Variants in PITPNC1 observed in about 807,000 individuals in gnomAD.
The protein encoded by PITPNC1 is phosphatidylinositol transfer protein cytoplasmic 1.
In PITPNC1, 18 loss-of-function variants were observed where a neutral mutation model predicts 44.7. The observed-to-expected ratio is 0.40, with a 90% CI of 0.28 to 0.60. The LOEUF (loss-of-function observed/expected upper bound fraction) is 0.60. PITPNC1 is among the 20% of genes least tolerant of loss of function. The probability of loss-of-function intolerance (pLI) is 0.39; values close to 1 mark genes in which losing one functional copy is unlikely to be tolerated. For missense variants in PITPNC1, 290 were observed against 418.4 expected (o/e 0.69, Z 2.68); for synonymous variants, 141 against 149.6 (o/e 0.94, Z 0.42).
At chr17:67,409,409 T>C (rs368063799) in intron 1 of PITPNC1, among the ~76,000 whole-genome samples, 1 of 152,208 alleles carries the variant, frequency 6.6e-6, no homozygotes, top group East Asian at 1.9e-4. Flanking sequence ...TTCATATGGA[T>C]ATCCATTTGT....
chr17:67,652,041 A>G (rs970468896), intron 6 of PITPNC1, among the ~76,000 whole-genome samples: 1 of 152,216 alleles, frequency 6.6e-6, no homozygotes, highest in Non-Finnish European at 1.5e-5. Flanking sequence ...GCTGAGGGTT[A>G]TAGTTACATA....
rs546174074 is a variant in PITPNC1, at chr17:67,438,353, A to G, written c.48+60151A>G. Among the ~76,000 whole-genome samples the G allele has an allele frequency of 4.3e-5, 6 of 141,068 alleles. 1 individual carries two copies. The highest frequency in any genetic ancestry group is 1.5e-4 in the Admixed American group (2 of 13,280). 92.5% of individuals were successfully genotyped at this position (141,068 alleles called of 152,430 possible). On this transcript the variant is annotated intron_variant, in intron 1 of 8. Transcript: ENST00000581322. ...TTTTTCTGAGACAGAGTCTCGCTCT[A>G]TCGCCCAGGCTGGAGTGCAGTGGTG... is the stretch of plus-strand genomic sequence containing the variant.
At chr17:67,604,612 A>G (rs9903489) in intron 5 of PITPNC1, among the ~76,000 whole-genome samples, 12,990 of 152,156 alleles carry the variant, frequency 0.085, 672 homozygotes, top group Admixed American at 0.13. Context: ...GTGAAACCCC[A>G]TTTTTACTGA....
At chr17:67,578,603 A>G (rs1188340140) in intron 5 of PITPNC1, among the ~76,000 whole-genome samples, 2 of 152,358 alleles carry the variant, frequency 1.3e-5, no homozygotes, top group Non-Finnish European at 1.5e-5. Flanking sequence ...CTCAATGCCT[A>G]TTAATATCTA....
chr17:67,500,089 T>C lies in PITPNC1; in HGVS notation c.49-32713T>C, dbSNP rs1288634291. On this transcript the variant is annotated intron_variant, in intron 1 of 8. Coordinates refer to ENST00000581322, the MANE Select transcript of PITPNC1 (RefSeq NM_012417.4). ...TTTGCTTGTACTGCTTCTCAGCTTA[T>C]CTTCTTCTGATGGTTAATCATTTTA... Among the ~76,000 whole-genome samples the C allele has an allele frequency of 4.6e-5, 7 of 152,250 alleles. No homozygotes were observed. The East Asian group carries it at 1.3e-3, about 29-fold the overall frequency.
intron 1 of PITPNC1, among the ~76,000 whole-genome samples, chr17:67,450,063 G>A (rs1287111795): frequency 1.3e-5 from 2 of 152,182 alleles, no homozygotes; most frequent in Non-Finnish European, 2.9e-5. Flanking sequence ...ATTACCAACA[G>A]TTAAACAGAA....
At chr17:67,556,713 A>C (rs569374574) in intron 4 of PITPNC1, among the ~76,000 whole-genome samples, 1 of 152,338 alleles carries the variant, frequency 6.6e-6, no homozygotes, top group Admixed American at 6.5e-5. Flanking sequence ...CTCAATGGAC[A>C]GGTCTGAGAC....
Position 67,418,162 on chromosome 17 carries a change from T to C in PITPNC1, c.48+39960T>C, listed in dbSNP as rs575398059. Among the ~76,000 whole-genome samples, 5 of 152,358 alleles carry C rather than the reference T, an allele frequency of 3.3e-5. No homozygotes were observed. The South Asian group carries it at 8.3e-4, about 25-fold the overall frequency. On this transcript the variant is annotated intron_variant, in intron 1 of 8. Transcript: ENST00000581322. ...TTTAAGGCTCCCAGGCACATGACTT[T>C]ATTCTCAGGAGATGGTTAGGCAGTA...
chr17:67,533,253 C>A (rs773216812), intron 2 of PITPNC1, among the ~76,000 whole-genome samples: 125 of 152,178 alleles, frequency 8.2e-4, no homozygotes, highest in Non-Finnish European at 1.7e-3. Context: ...AGAGCAAGAC[C>A]CTGACTGTAA....
chr17:67,460,173 T>C (rs1388556298), intron 1 of PITPNC1, among the ~76,000 whole-genome samples: 3 of 152,172 alleles, frequency 2.0e-5, no homozygotes, highest in Non-Finnish European at 4.4e-5. Flanking sequence ...GAATTGTTTG[T>C]CAAAGTGAGT....
intron 1 of PITPNC1, among the ~76,000 whole-genome samples, chr17:67,399,881 G>C (rs1423971947): frequency 6.6e-6 from 1 of 152,198 alleles, no homozygotes; most frequent in Non-Finnish European, 1.5e-5. Flanking sequence ...GGAAGACCTA[G>C]TCAGTCCTTG....
intron 1 of PITPNC1, among the ~76,000 whole-genome samples, chr17:67,380,975 G>A (rs1200735473): frequency 6.6e-6 from 1 of 152,060 alleles, no homozygotes; most frequent in Non-Finnish European, 1.5e-5. Context: ...GACTCGCTGT[G>A]TTGCCCAGGC....
chr17:67,639,166 A>G (rs753720844), intron 6 of PITPNC1, among the ~76,000 whole-genome samples: 25 of 138,802 alleles, frequency 1.8e-4, no homozygotes, highest in Non-Finnish European at 3.4e-4. Context: ...ACAACAGAGA[A>G]TTATCCAGCT....
chr17:67,606,702 C>T (rs1224190686), intron 5 of PITPNC1, among the ~76,000 whole-genome samples: 1 of 151,850 alleles, frequency 6.6e-6, no homozygotes, highest in African/African-American at 2.4e-5. Context: ...GGCGTGAAGC[C>T]AGCGAGGAAA....
intron 5 of PITPNC1, among the ~76,000 whole-genome samples, chr17:67,622,247 A>ACT (rs1314804291): frequency 7.5e-6 from 1 of 132,990 alleles, no homozygotes; most frequent in Admixed American, 7.8e-5. Context: ...ACAGAGCGAG[A>ACT]CTGCATCTCA....
chr17:67,657,918 T>G (rs769283926), intron 6 of PITPNC1, among the ~76,000 whole-genome samples: 37 of 152,256 alleles, frequency 2.4e-4, no homozygotes, highest in Non-Finnish European at 4.7e-4. Context: ...TCTTGTTTTA[T>G]TCTTGAAGAA....
chr17:67,396,594 T>C (rs1196881268), intron 1 of PITPNC1, among the ~76,000 whole-genome samples: 2 of 151,960 alleles, frequency 1.3e-5, no homozygotes, highest in African/African-American at 2.4e-5. Flanking sequence ...GGTCTTGAAC[T>C]CCTGACCTCA....
chr17:67,528,971 G>A (rs2040425644), intron 1 of PITPNC1, among the ~76,000 whole-genome samples: 1 of 152,126 alleles, frequency 6.6e-6, no homozygotes, highest in South Asian at 2.1e-4. Context: ...AAGTGGGCCT[G>A]ATTTCCTTAG....
At chr17:67,646,261 C>A (rs1598928006) in intron 6 of PITPNC1, among the ~76,000 whole-genome samples, 1 of 152,192 alleles carries the variant, frequency 6.6e-6, no homozygotes, top group East Asian at 1.9e-4. Flanking sequence ...TGGCATTTTT[C>A]TCCTTGAGAA....
Sources: allele counts gnomAD v4.1 joint callset (sites outside exome capture counted in the v4.1 genomes callset), GRCh38; gene constraint gnomAD v4.1.1; transcripts MANE v1.5; gene names NCBI Gene and HGNC (gene_info 2026-07-23, HGNC 2026-07-21).